BNIP2: variants seen among roughly 807,000 people sequenced by gnomAD.
BNIP2 encodes BCL2/adenovirus E1B 19 kDa protein-interacting protein 2.
A neutral mutation model predicts 43.4 loss-of-function variants in BNIP2; 36 were observed. The ratio of observed to expected loss-of-function variants is 0.83; its 90% CI spans 0.64 to 1.10. BNIP2 has a LOEUF of 1.10. Among genes scored for constraint, BNIP2 ranks in the 50% least tolerant of loss-of-function variants. BNIP2 has a pLI of 0.00. For missense variants in BNIP2, 417 were observed against 374.1 expected, an observed-to-expected ratio of 1.11 and a Z score of -0.95; for synonymous variants, 146 against 121.0, an observed-to-expected ratio of 1.21 and a Z score of -1.35.
At chr15:59,673,207 C>G (rs1327577444) in intron 5 of BNIP2, among the ~76,000 whole-genome samples, 7 of 151,052 alleles carry the variant, frequency 4.6e-5, no homozygotes, top group African/African-American at 1.2e-4. Context: ...CAACCTCCGC[C>G]TCCTGGCTTC....
At chr15:59,681,468 A>G (rs1482558169) in intron 2 of BNIP2, among the ~76,000 whole-genome samples, 1 of 124,790 alleles carries the variant, frequency 8.0e-6, no homozygotes, top group Non-Finnish European at 1.6e-5. Flanking sequence ...TTTTTTTTTG[A>G]GATAGAGCCT....
At chr15:59,688,679 C>G in intron 1 of BNIP2, 1 of 1,528,610 alleles carries the variant, frequency 6.5e-7, no homozygotes, top group South Asian at 1.2e-5. Context: ...TCTATTAAAG[C>G]CCTGATTACT....
In BNIP2 at chr15:59,662,157, T is replaced by G. The variant is rs1007859934; in HGVS notation, c.*1912A>C. On this transcript the variant is annotated 3_prime_UTR_variant, in exon 10 of 10. Coordinates refer to ENST00000607373, the MANE Select transcript of BNIP2 (RefSeq NM_004330.4). ...TTAAACTGAAGAACCAAGTACTTAA[T>G]GTGGTAGAAAACCACCTATTAAAAA... 6.6e-6 allele frequency: 1 copy of G among 152,230 alleles called. No individual in the cohort carries two copies. Among genetic ancestry groups the G allele is most frequent in the Non-Finnish European group, 1.5e-5 (1 of 68,038 alleles). 9.4% of individuals were successfully genotyped at this position (152,230 alleles called of 1,614,324 possible).
At chr15:59,682,653 A>T (rs948583939) in intron 1 of BNIP2, 139 bp from the exon 2 acceptor site, 154 of 443,670 alleles carry the variant, frequency 3.5e-4, no homozygotes, top group South Asian at 6.8e-4. Context: ...CAGGGTTGCA[A>T]TTTTTTTTTT....
chr15:59,678,342 A>C (rs752701243), intron 4 of BNIP2: 10 of 1,193,178 alleles, frequency 8.4e-6, no homozygotes, highest in Non-Finnish European at 1.0e-5. Flanking sequence ...ACGTGTATCC[A>C]CAAGTTCAGA....
At chr15:59,667,165 G>A (rs1442893529) in intron 9 of BNIP2, among the ~76,000 whole-genome samples, 1 of 152,188 alleles carries the variant, frequency 6.6e-6, no homozygotes, top group East Asian at 1.9e-4. Context: ...ACTGTGAAGT[G>A]TCATATAGAA....
Position 59,664,039 on chromosome 15 carries a change from C to A in BNIP2, c.*30G>T. ...AACAGCACTGCTCCATCAGCACATT[C>A]TTCAGTCTTGTTTGGACTAGATGCC... is the stretch of plus-strand genomic sequence containing the variant. On this transcript the variant is annotated 3_prime_UTR_variant, in exon 10 of 10. Coordinates refer to ENST00000607373, the MANE Select transcript of BNIP2 (RefSeq NM_004330.4). 6.6e-7 allele frequency: 1 copy of A among 1,510,406 alleles called. No individual in the cohort carries two copies. 93.6% of individuals were successfully genotyped at this position (1,510,406 alleles called of 1,614,324 possible).
chr15:59,688,621 G>C, intron 1 of BNIP2: 3 of 1,313,082 alleles, frequency 2.3e-6, no homozygotes, highest in South Asian at 2.6e-5. Flanking sequence ...GCGGGGACTC[G>C]GCTTTTGACG....
intron 9 of BNIP2, 120 bp downstream of exon 9, chr15:59,668,772 A>ACGCG (rs376052734): frequency 3.8e-6 from 3 of 779,934 alleles, no homozygotes; most frequent in South Asian, 2.4e-5. Context: ...ACACACACAC[A>ACGCG]CGCGCGCGCG....
At chr15:59,673,846 G>A (rs868618413) in intron 5 of BNIP2, among the ~76,000 whole-genome samples, 1 of 152,048 alleles carries the variant, frequency 6.6e-6, no homozygotes, top group African/African-American at 2.4e-5. Flanking sequence ...CCAGCACTTC[G>A]GGAGGCTGAG....
chr15:59,689,079 C>T (rs1209936568), intron 1 of BNIP2, 56 bp downstream of exon 1: 2 of 1,505,662 alleles, frequency 1.3e-6, no homozygotes, highest in Non-Finnish European at 1.8e-6. Flanking sequence ...GCCCCTAGGC[C>T]GGTTCCCAGT....
Position 59,663,496 on chromosome 15 carries a change from G to A in BNIP2, c.*573C>T, listed in dbSNP as rs1465891071. ...CCTTGGGATGGTACTAATACACTTC[G>A]ATTATATACATGATCTTTGGGTATT... On this transcript the variant is annotated 3_prime_UTR_variant, in exon 10 of 10. Transcript: ENST00000607373. 6.6e-6 allele frequency: 1 copy of A among 152,540 alleles called. No individual in the cohort carries two copies. Among genetic ancestry groups the A allele is most frequent in the Admixed American group, 6.6e-5 (1 of 15,266 alleles). The allele number at this position is 152,540 out of a possible 1,614,324, so 9.4% of individuals were successfully genotyped here. A position where few individuals can be genotyped will look rare whatever the true frequency, so the allele number is the denominator to read the frequency against.
At chr15:59,672,828 TA>T in intron 5 of BNIP2, 89 bp from the exon 6 acceptor site, 1 of 890,194 alleles carries the variant, frequency 1.1e-6, no homozygotes, top group Non-Finnish European at 1.8e-6. Flanking sequence ...AAATTATAAA[TA>T]AGAGTTTACT....
At chr15:59,665,690 T>C (rs896000909) in intron 9 of BNIP2, among the ~76,000 whole-genome samples, 11 of 152,192 alleles carry the variant, frequency 7.2e-5, no homozygotes, top group Admixed American at 6.5e-4. Context: ...AATTTACGCA[T>C]GTGGGCATTA....
Position 59,659,433 on chromosome 15 carries a change from A to G in BNIP2, c.*4636T>C, listed in dbSNP as rs540711426. The G allele has an allele frequency of 2.6e-5, 4 of 152,234 alleles. No individual in the cohort carries two copies. The highest frequency in any genetic ancestry group is 6.5e-5 in the Admixed American group (1 of 15,278). 9.4% of individuals were successfully genotyped at this position (152,234 alleles called of 1,614,324 possible). A position where few individuals can be genotyped will look rare whatever the true frequency, so the allele number is the denominator to read the frequency against. On this transcript the variant is annotated 3_prime_UTR_variant, in exon 10 of 10. Coordinates refer to ENST00000607373, the MANE Select transcript of BNIP2 (RefSeq NM_004330.4). The stretch of plus-strand genomic sequence containing the variant: ...TGACAGCAATGAACCTGTGGTAACA[A>G]AAGTATTTTTGGAATAGATATCAAA...
intron 9 of BNIP2, among the ~76,000 whole-genome samples, 190 bp from the exon 10 acceptor site, chr15:59,664,310 CA>C (rs1449930037): frequency 2.6e-5 from 4 of 152,148 alleles, no homozygotes; most frequent in Non-Finnish European, 1.5e-5. Flanking sequence ...GGCAGGAGGA[CA>C]CTGGCAAGAA....
intron 1 of BNIP2, among the ~76,000 whole-genome samples, chr15:59,686,537 C>T (rs902944290): frequency 2.6e-5 from 4 of 152,286 alleles, no homozygotes; most frequent in South Asian, 2.1e-4. Context: ...TGGAAACGCC[C>T]GGGCAAGCCT....
intron 9 of BNIP2, among the ~76,000 whole-genome samples, chr15:59,664,661 G>A (rs1028030295): frequency 1.1e-4 from 16 of 152,168 alleles, no homozygotes; most frequent in Admixed American, 5.2e-4. Flanking sequence ...GATTACAGGC[G>A]TGAGCCACCG....
chr15:59,678,001 G>A lies in BNIP2; in HGVS notation c.382C>T (p.Arg128Ter). 5 of 1,613,878 alleles carry A rather than the reference G, an allele frequency of 3.1e-6. No homozygotes were observed. The highest frequency in any genetic ancestry group is 4.2e-6 in the Non-Finnish European group (5 of 1,179,866). ...CCAATCCTGAACATACGCCAGCGTC[G>A]TCCATCTTCTTTTTCCTCTGCTGCT... ...YTAAEEKEDG[R>*]RWRMFRIGEQ... Residue 128 changes from arginine to a stop codon, truncating the protein, a stop_gained, in exon 5 of 10, where the codon CGA becomes TGA. Transcript: ENST00000607373. LOFTEE classifies it high-confidence loss of function.
Sources: gnomAD v4.1 joint callset for allele counts (sites outside exome capture counted in the v4.1 genomes callset) on GRCh38, gnomAD v4.1.1 for gene constraint, MANE v1.5 for transcripts, NCBI Gene and HGNC (gene_info 2026-07-23, HGNC 2026-07-21) for gene names.